Variants in VPS13B observed in about 807,000 individuals in gnomAD.
VPS13B encodes the protein intermembrane lipid transfer protein VPS13B.
In VPS13B, 285 loss-of-function variants were observed where a neutral mutation model predicts 426.4. That is an observed-to-expected ratio of 0.67 (90% CI 0.61 to 0.74). The LOEUF (loss-of-function observed/expected upper bound fraction) is 0.74. Among genes scored for constraint, VPS13B ranks in the 30% least tolerant of loss-of-function variants. VPS13B has a pLI of 0.00. For synonymous variants in VPS13B, 1,676 were observed against 1,676.4 expected, an observed-to-expected ratio of 1.00 and a Z score of 0.01; for missense variants, 4,537 against 4,782.6, an observed-to-expected ratio of 0.95 and a Z score of 1.51.
In VPS13B at chr8:99,646,404, A is replaced by C. The variant is rs192730245; in HGVS notation, c.5908+3906A>C. 1.5e-3 allele frequency among the ~76,000 whole-genome samples: 234 copies of C among 152,236 alleles called. 1 individual carries two copies. Among genetic ancestry groups the C allele is most frequent in the African/African-American group, 5.3e-3 (222 of 41,532 alleles). On this transcript the variant is annotated intron_variant, in intron 34 of 61. Coordinates refer to ENST00000357162, the MANE Select transcript of VPS13B (RefSeq NM_152564.5). The stretch of plus-strand genomic sequence containing the variant: ...ACCAGTTGCAGTGGCATGCACCTGT[A>C]GTCTGAGCTATTGAGAAGGCTGAGG...
rs142560069 is a variant in VPS13B, at chr8:99,761,159, TAAC to T, written c.7051-5613_7051-5611del. 5.6e-3 allele frequency among the ~76,000 whole-genome samples: 856 copies of T among 152,362 alleles called. 3 individuals are homozygous for T. Among genetic ancestry groups the T allele is most frequent in the Non-Finnish European group, 9.6e-3 (653 of 68,032 alleles). On this transcript the variant is annotated intron_variant, in intron 39 of 61. Transcript: ENST00000357162. ...TGTGAATTTATTAATATGCCTTTGT[TAAC>T]AGAGTAAAATAGGGCACATAAAGGA...
chr8:99,526,939 A>C (rs1364399428), intron 30 of VPS13B, among the ~76,000 whole-genome samples: 1 of 152,150 alleles, frequency 6.6e-6, no homozygotes, highest in Non-Finnish European at 1.5e-5. Flanking sequence ...TGATACTGTT[A>C]CTGTGTTATA....
chr8:99,330,986 C>A (rs971772626), intron 19 of VPS13B, among the ~76,000 whole-genome samples: 2 of 151,800 alleles, frequency 1.3e-5, no homozygotes, highest in Admixed American at 1.3e-4. Flanking sequence ...TCCTCCTTCA[C>A]CTTTCAGCTT....
intron 19 of VPS13B, among the ~76,000 whole-genome samples, chr8:99,289,032 T>TATGAGTGA (rs1819586197): frequency 6.8e-6 from 1 of 146,654 alleles, no homozygotes; most frequent in Admixed American, 6.9e-5. Flanking sequence ...CCCCTGCCTC[T>TATGAGTGA]ATGAATGAAT....
chr8:99,087,581 A>G (rs1200172868), intron 3 of VPS13B, among the ~76,000 whole-genome samples: 2 of 146,898 alleles, frequency 1.4e-5, no homozygotes, highest in South Asian at 2.1e-4. Flanking sequence ...CGTTGTTCCT[A>G]TTCAGCCATC....
At chr8:99,349,722 GTC>G (rs1301044772) in intron 19 of VPS13B, among the ~76,000 whole-genome samples, 2 of 152,112 alleles carry the variant, frequency 1.3e-5, no homozygotes, top group African/African-American at 4.8e-5. Flanking sequence ...GTTGAAAAAA[GTC>G]TTCGAGAATA....
At chr8:99,265,331 T>C (rs752732045) in intron 17 of VPS13B, among the ~76,000 whole-genome samples, 1 of 152,136 alleles carries the variant, frequency 6.6e-6, no homozygotes, top group Non-Finnish European at 1.5e-5. Context: ...TCATTTTTGG[T>C]TTGAGGATAA....
At chr8:99,103,793 C>T (rs2132456946) in intron 5 of VPS13B, among the ~76,000 whole-genome samples, 1 of 152,230 alleles carries the variant, frequency 6.6e-6, no homozygotes, top group East Asian at 1.9e-4. Context: ...GCCACTGCGC[C>T]TGGCCAAATT....
chr8:99,856,246 G>A (rs1468676115), intron 56 of VPS13B, among the ~76,000 whole-genome samples: 1 of 152,154 alleles, frequency 6.6e-6, no homozygotes, highest in East Asian at 1.9e-4. Context: ...CCAAGATAAG[G>A]GATTCTAATA....
At chr8:99,539,394 T>C (rs1588475092) in intron 30 of VPS13B, among the ~76,000 whole-genome samples, 1 of 152,344 alleles carries the variant, frequency 6.6e-6, no homozygotes, top group East Asian at 1.9e-4. Context: ...ATGTGATTTA[T>C]TAATGTCCAC....
At chr8:99,374,796 C>T (rs891547816) in intron 19 of VPS13B, among the ~76,000 whole-genome samples, 3 of 152,078 alleles carry the variant, frequency 2.0e-5, no homozygotes, top group African/African-American at 7.2e-5. Context: ...TTTTTGAGAG[C>T]AAGATTAGGA....
intron 30 of VPS13B, chr8:99,527,839 G>A (rs907758619): frequency 6.6e-6 from 1 of 152,002 alleles, no homozygotes; most frequent in African/African-American, 2.4e-5. Flanking sequence ...TGATCCAAGT[G>A]AAGTGATGTT....
chr8:99,842,667 TA>T (rs1250634009), intron 54 of VPS13B, among the ~76,000 whole-genome samples: 2 of 152,172 alleles, frequency 1.3e-5, no homozygotes, highest in African/African-American at 4.8e-5. Flanking sequence ...ACCTTGTAAT[TA>T]ATTTACTTAG....
rs2130828791 is a variant in VPS13B at position 99,823,882 on chromosome 8, T to C, written c.9234T>C (p.Ile3078=). The part of the protein sequence containing the change: ...SSMVQQGIQI[I]QIEDKTTIIN... Reference sequence around the variant, plus strand: ...TGGTACAGCAAGGTATACAAATTATTCAGATTGAAGACAAGACTACAATAA... The same window carrying C: ...TGGTACAGCAAGGTATACAAATTATCCAGATTGAAGACAAGACTACAATAA... The change falls in exon 51 of 62, where the codon ATT becomes ATC. Residue 3078 remains isoleucine (I), a synonymous_variant. Transcript: ENST00000357162. 6.2e-7 allele frequency: 1 copy of C among 1,613,670 alleles called. No individual in the cohort carries two copies. Among genetic ancestry groups the C allele is most frequent in the East Asian group, 2.2e-5 (1 of 44,838 alleles).
chr8:99,632,091 T>C (rs1312042085), intron 33 of VPS13B, among the ~76,000 whole-genome samples: 1 of 151,942 alleles, frequency 6.6e-6, no homozygotes, highest in Non-Finnish European at 1.5e-5. Context: ...TTTTGAAGTC[T>C]AAGAACACTC....
intron 39 of VPS13B, among the ~76,000 whole-genome samples, chr8:99,724,886 G>A (rs1362224296): frequency 3.9e-5 from 6 of 152,070 alleles, no homozygotes; most frequent in Admixed American, 2.0e-4. Flanking sequence ...TTGAGAGCCC[G>A]GCATAAACTG....
intron 49 of VPS13B, among the ~76,000 whole-genome samples, 181 bp from the exon 50 acceptor site, chr8:99,821,113 C>G (rs1327984066): frequency 9.3e-6 from 1 of 107,344 alleles, no homozygotes; most frequent in African/African-American, 3.7e-5. Context: ...AACACACACA[C>G]ACACACACAC....
intron 17 of VPS13B, among the ~76,000 whole-genome samples, chr8:99,271,854 C>T (rs1193831688): frequency 6.6e-6 from 1 of 152,200 alleles, no homozygotes; most frequent in East Asian, 1.9e-4. Flanking sequence ...TTACTTCCCA[C>T]CTGGTTCTTC....
chr8:99,050,145 T>C (rs1843452123), intron 3 of VPS13B, among the ~76,000 whole-genome samples: 1 of 152,106 alleles, frequency 6.6e-6, no homozygotes, highest in Non-Finnish European at 1.5e-5. Flanking sequence ...TAACTCGTAA[T>C]TTAACATTAG....
Sources: gnomAD v4.1 joint callset for allele counts (sites outside exome capture counted in the v4.1 genomes callset) on GRCh38, gnomAD v4.1.1 for gene constraint, MANE v1.5 for transcripts, NCBI Gene and HGNC (gene_info 2026-07-23, HGNC 2026-07-21) for gene names.